The following TUSC3 variants were observed in gnomAD, a reference collection of about 807,000 sequenced individuals.
The protein encoded by TUSC3 is tumor suppressor candidate 3.
A neutral mutation model predicts 44.8 loss-of-function variants in TUSC3; 45 were observed. That is an observed-to-expected ratio of 1.00 (90% confidence interval 0.79 to 1.29). TUSC3 has a LOEUF of 1.29. TUSC3 is among the 50% of genes most tolerant of loss of function. The pLI is 0.00. For synonymous variants in TUSC3, 212 were observed against 152.9 expected (o/e 1.39, Z -2.85); for missense variants, 519 against 437.9 (o/e 1.19, Z -1.65).
chr8:15,843,611 T>C, the TUSC3 span, among the ~76,000 whole-genome samples: 158 of 125,158 alleles, frequency 1.3e-3, 3 homozygotes, highest in Middle Eastern at 4.8e-3. Context: ...TATATATATA[T>C]ATATATATAT....
At chr8:15,523,430 T>C (rs529078515) in intron 2 of TUSC3, among the ~76,000 whole-genome samples, 2 of 152,032 alleles carry the variant, frequency 1.3e-5, no homozygotes, top group African/African-American at 4.8e-5. Flanking sequence ...ATGGTTTTCA[T>C]AGGAGTTTGA....
At chr8:15,807,027 T>C in the TUSC3 span, 2 of 1,431,152 alleles carry the variant, frequency 1.4e-6, no homozygotes, top group Non-Finnish European at 9.8e-7. Context: ...CTGCAGACCC[T>C]GTAAATCCTG....
chr8:15,730,722 G>C lies in TUSC3; in HGVS notation c.855G>C (p.Leu285=). ...TTGTGGCAGAATCACACATTATTCT[G>C]GTACTGAGTATCCTTTTAAGATACC... ...AQFVAESHII[L]VLNAAITMGM... The change falls in exon 7 of 11, where the codon CTG becomes CTC. Residue 285 remains leucine (L), a synonymous_variant. Transcript: ENST00000503731. 1 of 1,612,898 alleles carries C rather than the reference G, an allele frequency of 6.2e-7. No homozygotes were observed. The highest frequency in any genetic ancestry group is 8.5e-7 in the Non-Finnish European group (1 of 1,179,312).
chr8:15,810,654 G>A, the TUSC3 span, among the ~76,000 whole-genome samples: 1 of 151,484 alleles, frequency 6.6e-6, no homozygotes, highest in Admixed American at 6.6e-5. Flanking sequence ...AAGGAGGGGG[G>A]GCGGGAAAGA....
At chr8:15,740,200 A>G (rs1811130534) in intron 7 of TUSC3, among the ~76,000 whole-genome samples, 1 of 152,264 alleles carries the variant, frequency 6.6e-6, no homozygotes, top group Non-Finnish European at 1.5e-5. Flanking sequence ...TCCCAGGGAA[A>G]AGTACCTCAG....
intron 1 of TUSC3, among the ~76,000 whole-genome samples, chr8:15,602,894 T>C (rs1195602837): frequency 1.2e-4 from 18 of 151,522 alleles, no homozygotes; most frequent in African/African-American, 4.4e-4. Context: ...CCTTGTAACA[T>C]AAATAAAAAA....
chr8:15,423,470 C>T (rs1799763071), intron 1 of TUSC3, among the ~76,000 whole-genome samples: 1 of 152,216 alleles, frequency 6.6e-6, no homozygotes, highest in African/African-American at 2.4e-5. Flanking sequence ...TCAGGAAATG[C>T]ACCCAGGGGA....
intron 6 of TUSC3, among the ~76,000 whole-genome samples, chr8:15,725,744 G>A (rs920379203): frequency 6.6e-6 from 1 of 152,106 alleles, no homozygotes; most frequent in Non-Finnish European, 1.5e-5. Flanking sequence ...ACAATTTGAA[G>A]TTTAGAGTAA....
chr8:15,443,813 C>G (rs950683699), intron 1 of TUSC3, among the ~76,000 whole-genome samples: 1 of 152,154 alleles, frequency 6.6e-6, no homozygotes, highest in Non-Finnish European at 1.5e-5. Context: ...AGATACTTTG[C>G]AGACCCTGCA....
At chr8:15,706,968 C>A (rs1005381396) in intron 6 of TUSC3, among the ~76,000 whole-genome samples, 1 of 151,972 alleles carries the variant, frequency 6.6e-6, no homozygotes, top group African/African-American at 2.4e-5. Flanking sequence ...TACTTTTGAT[C>A]ATTGAATCAT....
At chr8:15,828,786 G>A in the TUSC3 span, among the ~76,000 whole-genome samples, 3 of 152,060 alleles carry the variant, frequency 2.0e-5, no homozygotes, top group African/African-American at 7.2e-5. Context: ...CTATAAGCTG[G>A]CTATCTAACA....
intron 6 of TUSC3, among the ~76,000 whole-genome samples, chr8:15,693,921 C>T (rs911224760): frequency 1.3e-5 from 2 of 151,986 alleles, no homozygotes; most frequent in Non-Finnish European, 2.9e-5. Flanking sequence ...TCAGCTTGCT[C>T]ATTTGTGCTG....
rs149062125 is a variant in TUSC3, at chr8:15,498,243, A to G, written n.189+14760A>G. 7.4e-4 allele frequency among the ~76,000 whole-genome samples: 113 copies of G among 152,348 alleles called. 1 individual carries two copies. The East Asian group carries it at 0.017, about 23-fold the overall frequency. ...CTTAAGATTGTACCTTCCAGTGGAT[A>G]AAGATCATAAGAACACAGATTGAGT... On this transcript the variant is annotated intron_variant and non_coding_transcript_variant, in intron 2 of 5. Transcript: ENST00000503191.
chr8:15,465,968 T>C (rs754669994), intron 1 of TUSC3, among the ~76,000 whole-genome samples: 3 of 152,204 alleles, frequency 2.0e-5, no homozygotes, highest in Non-Finnish European at 2.9e-5. Context: ...TTAATCCAAG[T>C]GTTTGAAACT....
At chr8:15,550,143 G>A (rs1802011032) in intron 1 of TUSC3, among the ~76,000 whole-genome samples, 1 of 151,734 alleles carries the variant, frequency 6.6e-6, no homozygotes, top group Non-Finnish European at 1.5e-5. Context: ...AATCATAGCC[G>A]ATTAGGTCAG....
intron 1 of TUSC3, among the ~76,000 whole-genome samples, chr8:15,421,108 T>C (rs1290779581): frequency 6.6e-6 from 1 of 152,226 alleles, no homozygotes; most frequent in Non-Finnish European, 1.5e-5. Flanking sequence ...CATCCAAAAC[T>C]GAGCTACTGA....
At chr8:15,583,392 T>C (rs1803458521) in intron 1 of TUSC3, among the ~76,000 whole-genome samples, 1 of 152,150 alleles carries the variant, frequency 6.6e-6, no homozygotes, top group South Asian at 2.1e-4. Flanking sequence ...AGATTGACGG[T>C]GATGGTAAAA....
intron 4 of TUSC3, 75 bp from the exon 5 acceptor site, chr8:15,662,081 A>G (rs1325328912): frequency 1.9e-6 from 3 of 1,539,214 alleles, no homozygotes; most frequent in African/African-American, 2.7e-5. Context: ...GTTGAAAATT[A>G]TGAGGACTAG....
intron 1 of TUSC3, among the ~76,000 whole-genome samples, chr8:15,567,911 C>T (rs926823383): frequency 6.6e-6 from 1 of 152,152 alleles, no homozygotes; most frequent in Admixed American, 6.5e-5. Context: ...ATGAAAGACA[C>T]ATTGAGTAAT....
Sources: gnomAD v4.1 joint callset for allele counts (sites outside exome capture counted in the v4.1 genomes callset) on GRCh38, gnomAD v4.1.1 for gene constraint, MANE v1.5 for transcripts, NCBI Gene and HGNC (gene_info 2026-07-23, HGNC 2026-07-21) for gene names.